Variants in CCDC102B observed in about 807,000 individuals in gnomAD.
CCDC102B encodes the protein coiled-coil domain-containing protein 102B.
A neutral mutation model predicts 57.4 loss-of-function variants in CCDC102B; 75 were observed. The observed-to-expected ratio is 1.31, with a 90% CI of 1.08 to 1.58. The LOEUF is 1.58. CCDC102B is among the 40% of genes most tolerant of loss of function. CCDC102B has a pLI of 0.00. For synonymous variants in CCDC102B, 206 were observed against 201.9 expected (o/e 1.02, Z -0.17); for missense variants, 636 against 582.6 (o/e 1.09, Z -0.94).
chr18:68,740,614 G>A (rs1019971143), intron 2 of CCDC102B, among the ~76,000 whole-genome samples: 1 of 152,152 alleles, frequency 6.6e-6, no homozygotes, highest in Admixed American at 6.5e-5. Context: ...GTGCAGTGGT[G>A]AGGAGGTGAG....
upstream of CCDC102B, among the ~76,000 whole-genome samples, chr18:68,793,285 A>G (rs1380337153): frequency 6.6e-6 from 1 of 152,218 alleles, no homozygotes; most frequent in African/African-American, 2.4e-5. Context: ...AATTGTAGCC[A>G]TTAAGATTTT....
intron 4 of CCDC102B, among the ~76,000 whole-genome samples, chr18:68,865,991 T>C (rs867862954): frequency 2.0e-5 from 3 of 152,166 alleles, no homozygotes; most frequent in Non-Finnish European, 4.4e-5. Context: ...AATGCCTACA[T>C]TAACAAAAGA....
chr18:68,724,200 C>T (rs753440444), intron 2 of CCDC102B, among the ~76,000 whole-genome samples: 7 of 152,294 alleles, frequency 4.6e-5, no homozygotes, highest in Middle Eastern at 6.8e-3. Context: ...ATAGAGCTGG[C>T]GGGCCCTAAG....
intron 6 of CCDC102B, among the ~76,000 whole-genome samples, chr18:68,969,764 T>C (rs1037490027): frequency 5.9e-5 from 9 of 152,128 alleles, no homozygotes; most frequent in Non-Finnish European, 8.8e-5. Flanking sequence ...ACTATGATCA[T>C]GTTTGTTGCT....
intron 6 of CCDC102B, among the ~76,000 whole-genome samples, chr18:68,911,668 C>T (rs1025247855): frequency 8.1e-5 from 11 of 135,266 alleles, no homozygotes; most frequent in African/African-American, 2.3e-4. Flanking sequence ...AGGAGAATGG[C>T]GTGAACCCGG....
intron 2 of CCDC102B, among the ~76,000 whole-genome samples, chr18:68,760,372 AC>A (rs1195936580): frequency 6.6e-6 from 1 of 152,122 alleles, no homozygotes; most frequent in Non-Finnish European, 1.5e-5. Flanking sequence ...AGAGATGAAC[AC>A]AGTTAATTAC....
At chr18:68,866,960 C>A in intron 4 of CCDC102B, 1 of 437,386 alleles carries the variant, frequency 2.3e-6, no homozygotes, top group Non-Finnish European at 4.5e-6. Flanking sequence ...GATTCCACAG[C>A]TACATCAATC....
At chr18:68,715,225 T>G, upstream of CCDC102B, 1 of 1,348,958 alleles carries the variant, frequency 7.4e-7, no homozygotes, top group Non-Finnish European at 9.5e-7. Context: ...TAAGAATCCT[T>G]TGCGCTCTCG....
At chr18:68,764,581 C>G (rs1446998325) in intron 2 of CCDC102B, among the ~76,000 whole-genome samples, 1 of 152,078 alleles carries the variant, frequency 6.6e-6, no homozygotes, top group Non-Finnish European at 1.5e-5. Context: ...TGAGGCACCA[C>G]CAGGCTAGCA....
At chr18:68,852,945 GA>G (rs1190340687) in intron 4 of CCDC102B, among the ~76,000 whole-genome samples, 1 of 152,138 alleles carries the variant, frequency 6.6e-6, no homozygotes, top group African/African-American at 2.4e-5. Flanking sequence ...GACTATGACA[GA>G]AGTCCTAGCA....
intron 7 of CCDC102B, among the ~76,000 whole-genome samples, chr18:69,027,551 G>C (rs2052025997): frequency 6.6e-6 from 1 of 151,984 alleles, no homozygotes; most frequent in Non-Finnish European, 1.5e-5. Context: ...ATCATTTAGT[G>C]TATTAACATT....
At chr18:68,921,585 C>T (rs764958395) in intron 6 of CCDC102B, among the ~76,000 whole-genome samples, 1 of 152,128 alleles carries the variant, frequency 6.6e-6, no homozygotes, top group Non-Finnish European at 1.5e-5. Context: ...TTAAGGCAAT[C>T]GAGTTGGCAG....
intron 5 of CCDC102B, among the ~76,000 whole-genome samples, chr18:68,884,543 G>A (rs1026819831): frequency 6.6e-6 from 1 of 151,152 alleles, no homozygotes; most frequent in African/African-American, 2.4e-5. Context: ...GCAGATGTAG[G>A]TCAGAGGCTA....
intron 7 of CCDC102B, among the ~76,000 whole-genome samples, chr18:69,042,338 A>AAAT (rs1334301201): frequency 3.9e-5 from 6 of 152,122 alleles, no homozygotes; most frequent in African/African-American, 1.2e-4. Context: ...TCTAATCGCT[A>AAAT]AATCAGCCTG....
intron 4 of CCDC102B, among the ~76,000 whole-genome samples, chr18:68,866,259 C>T (rs751495381): frequency 2.0e-5 from 3 of 152,136 alleles, no homozygotes; most frequent in Non-Finnish European, 4.4e-5. Flanking sequence ...TACATACATA[C>T]TTTATACCCA....
rs919601 is a variant in CCDC102B at position 68,999,026 on chromosome 18, A to G, written c.1264-11908A>G. ...GAGAGAGAGAGAGAGAGAGAGAGAG[A>G]GAGAGAGAGAGTCATTATCATAAAA... On this transcript the variant is annotated intron_variant, in intron 6 of 7. Transcript: ENST00000360242. 3.6e-3 allele frequency among the ~76,000 whole-genome samples: 518 copies of G among 143,212 alleles called. 8 individuals are homozygous for G. Among genetic ancestry groups the G allele is most frequent in the African/African-American group, 0.013 (469 of 36,934 alleles). The allele number at this position is 143,212 out of a possible 152,430, so 94.0% of individuals were successfully genotyped here.
intron 7 of CCDC102B, among the ~76,000 whole-genome samples, chr18:69,018,345 C>T (rs958448478): frequency 1.2e-4 from 19 of 152,210 alleles, no homozygotes; most frequent in Admixed American, 1.1e-3. Flanking sequence ...TTTTGGGGAA[C>T]CCTCATACTG....
At chr18:68,834,895 A>C (rs776029633) in intron 1 of CCDC102B, among the ~76,000 whole-genome samples, 2 of 151,990 alleles carry the variant, frequency 1.3e-5, no homozygotes, top group African/African-American at 4.8e-5. Flanking sequence ...GATGGGTCAT[A>C]AGGAGGTGAT....
chr18:68,817,141 C>A (rs1599506624), intron 1 of CCDC102B, among the ~76,000 whole-genome samples: 1 of 152,160 alleles, frequency 6.6e-6, no homozygotes, highest in South Asian at 2.1e-4. Context: ...TATTTCAATT[C>A]TTGATGACTT....
Sources: gnomAD v4.1 joint callset for allele counts (sites outside exome capture counted in the v4.1 genomes callset) on GRCh38, gnomAD v4.1.1 for gene constraint, MANE v1.5 for transcripts, NCBI Gene and HGNC (gene_info 2026-07-23, HGNC 2026-07-21) for gene names.